The following NLGN1 variants were observed in gnomAD, a reference collection of about 807,000 sequenced individuals.
The protein encoded by NLGN1 is neuroligin-1.
NLGN1 carries 12 observed loss-of-function variants against 65.5 expected under a neutral mutation model. That is an observed-to-expected ratio of 0.18 (90% CI 0.12 to 0.30). NLGN1 has a LOEUF of 0.30. NLGN1 is among the 10% of genes least tolerant of loss of function. The pLI is 1.00. For synonymous variants in NLGN1, 350 were observed against 359.5 expected (o/e 0.97, Z 0.30); for missense variants, 750 against 1,007.1 (o/e 0.74, Z 3.46).
chr3:173,918,660 A>ATG (rs71162369), intron 4 of NLGN1, among the ~76,000 whole-genome samples: 2,046 of 111,760 alleles, frequency 0.018, 29 homozygotes, highest in South Asian at 0.057. Context: ...AGAAATACAT[A>ATG]TGTGTGTGTG....
At chr3:173,703,622 G>A (rs944318647) in intron 3 of NLGN1, among the ~76,000 whole-genome samples, 1 of 152,140 alleles carries the variant, frequency 6.6e-6, no homozygotes, top group Non-Finnish European at 1.5e-5. Context: ...TAATTAAAAT[G>A]TCACTCCTGA....
exon 1 of NLGN1, chr3:173,398,463 C>G (rs921492263): frequency 6.6e-6 from 1 of 152,176 alleles, no homozygotes; most frequent in African/African-American, 2.4e-5. Flanking sequence ...TCCACCGACT[C>G]CTGCCCGCCT....
Position 174,280,560 on chromosome 3 carries a change from A to G in NLGN1, c.1729A>G (p.Arg577Gly), listed in dbSNP as rs1751371155. 2 of 1,613,140 alleles carry G rather than the reference A, an allele frequency of 1.2e-6. No individual in the cohort carries two copies. The highest frequency in any genetic ancestry group is 1.7e-6 in the Non-Finnish European group (2 of 1,179,496). The stretch of plus-strand genomic sequence containing the variant: ...CCGTTTTGAAGAAGTAGCATGGACC[A>G]GATATTCCCAGAAAGACCAACTTTA... The change falls in exon 7 of 7, where the codon AGA (arginine) becomes GGA (glycine). Residue 577 changes from arginine (R) to glycine (G), a missense_variant. By Grantham distance (125) the Arg-to-Gly change is moderately radical. Transcript: ENST00000457714. This position sits in a 1 kb window ranked among gnomAD's most constrained non-coding sequence, Gnocchi z 4.9.
intron 3 of NLGN1, among the ~76,000 whole-genome samples, chr3:173,665,507 C>G (rs1328671331): frequency 1.3e-5 from 2 of 152,118 alleles, no homozygotes; most frequent in Non-Finnish European, 2.9e-5. Context: ...GCCATTTAGA[C>G]ATTTTGAAGA....
intron 4 of NLGN1, among the ~76,000 whole-genome samples, chr3:174,016,232 T>C (rs9874823): frequency 0.27 from 41,526 of 152,112 alleles, 6,876 homozygotes; most frequent in African/African-American, 0.46. Flanking sequence ...GTCTGTTTGC[T>C]GAAGACCGTT....
intron 2 of NLGN1, among the ~76,000 whole-genome samples, chr3:173,450,359 A>G (rs1442948824): frequency 2.0e-5 from 3 of 152,116 alleles, no homozygotes; most frequent in African/African-American, 7.2e-5. Flanking sequence ...TGGGTTGAAA[A>G]TTCTTTTCTT....
At chr3:173,819,272 A>C (rs1719688397) in intron 4 of NLGN1, among the ~76,000 whole-genome samples, 2 of 151,968 alleles carry the variant, frequency 1.3e-5, no homozygotes, top group Non-Finnish European at 2.9e-5. Flanking sequence ...TCTAGACCTA[A>C]ATTCATATGC....
intron 4 of NLGN1, among the ~76,000 whole-genome samples, chr3:174,211,115 A>C (rs6781379): frequency 6.6e-6 from 1 of 151,832 alleles, no homozygotes; most frequent in Non-Finnish European, 1.5e-5. Context: ...AGATCTTCGC[A>C]GTGAGTGTTA....
intron 4 of NLGN1, among the ~76,000 whole-genome samples, chr3:174,099,733 G>GA (rs566662093): frequency 9.3e-5 from 14 of 150,672 alleles, no homozygotes; most frequent in Non-Finnish European, 1.8e-4. Flanking sequence ...ATTAACTTCA[G>GA]AAAAAAAAAG....
chr3:173,597,687 A>AAT (rs545073713), intron 2 of NLGN1, among the ~76,000 whole-genome samples: 851 of 61,788 alleles, frequency 0.014, 4 homozygotes, highest in African/African-American at 0.045. Flanking sequence ...TTTATGTAGG[A>AAT]ATATACATAT....
At chr3:173,662,199 G>A (rs1194936475) in intron 3 of NLGN1, among the ~76,000 whole-genome samples, 1 of 152,042 alleles carries the variant, frequency 6.6e-6, no homozygotes, top group Non-Finnish European at 1.5e-5. Context: ...AAGAAGAAAA[G>A]TATGAGTGCC....
chr3:173,582,134 G>T (rs577510931), intron 2 of NLGN1, among the ~76,000 whole-genome samples: 1 of 151,904 alleles, frequency 6.6e-6, no homozygotes, highest in African/African-American at 2.4e-5. Context: ...AACATCCTTT[G>T]TTGTTGTTGC....
At chr3:173,940,824 C>T (rs774020526) in intron 4 of NLGN1, among the ~76,000 whole-genome samples, 4 of 152,114 alleles carry the variant, frequency 2.6e-5, no homozygotes, top group Non-Finnish European at 4.4e-5. Context: ...TTGCCTATGA[C>T]GTATTCTTAG....
At chr3:173,574,433 A>G (rs1488188989) in intron 2 of NLGN1, among the ~76,000 whole-genome samples, 1 of 151,968 alleles carries the variant, frequency 6.6e-6, no homozygotes, top group East Asian at 1.9e-4. Flanking sequence ...ATTGAATTAA[A>G]ATTCAATTTA....
intron 4 of NLGN1, among the ~76,000 whole-genome samples, chr3:173,840,752 C>A (rs1204531948): frequency 1.3e-5 from 2 of 152,236 alleles, no homozygotes; most frequent in East Asian, 3.9e-4. Context: ...TGCTGTGTAT[C>A]CTCTTTCCAG....
At chr3:174,036,915 C>A (rs1731259017) in intron 4 of NLGN1, among the ~76,000 whole-genome samples, 1 of 152,044 alleles carries the variant, frequency 6.6e-6, no homozygotes, top group African/African-American at 2.4e-5. Flanking sequence ...ATGCATGTTC[C>A]TGCAAAGGAC....
chr3:173,486,703 A>G lies in NLGN1; in HGVS notation c.-321+51625A>G, dbSNP rs552248708. On this transcript the variant is annotated intron_variant, in intron 2 of 6. Coordinates refer to ENST00000457714, the Ensembl canonical transcript of NLGN1. The stretch of plus-strand genomic sequence containing the variant: ...AACATAATTCGATTTGTTCTTTACT[A>G]TTTTATCCTTCCACACTCCTGACTA... Among the ~76,000 whole-genome samples, 26 of 152,310 alleles carry G rather than the reference A, an allele frequency of 1.7e-4. No homozygotes were observed. In the South Asian group the frequency reaches 3.7e-3, roughly 22 times the overall value.
At chr3:173,661,547 T>G (rs189081129) in intron 3 of NLGN1, among the ~76,000 whole-genome samples, 78 of 152,124 alleles carry the variant, frequency 5.1e-4, no homozygotes, top group Middle Eastern at 6.8e-3. Flanking sequence ...TAATTCCCCT[T>G]AGGATACTGA....
chr3:174,237,355 T>C (rs935673296), intron 4 of NLGN1, among the ~76,000 whole-genome samples: 1 of 152,206 alleles, frequency 6.6e-6, no homozygotes, highest in African/African-American at 2.4e-5. Context: ...CTTATACTGT[T>C]AATTATGTTT....
Sources: allele counts gnomAD v4.1 joint callset (sites outside exome capture counted in the v4.1 genomes callset), GRCh38; gene constraint gnomAD v4.1.1; non-coding constraint Gnocchi (gnomAD v3.1); transcripts MANE v1.5; gene names NCBI Gene and HGNC (gene_info 2026-07-23, HGNC 2026-07-21).